Variants in RANBP2 observed in about 807,000 individuals in gnomAD.
RANBP2 encodes E3 SUMO-protein ligase RanBP2.
RANBP2 carries 57 observed loss-of-function variants against 303.6 expected under a neutral mutation model. The ratio of observed to expected loss-of-function variants is 0.19; its 90% CI spans 0.15 to 0.23. The LOEUF (loss-of-function observed/expected upper bound fraction) is 0.23. RANBP2 is among the 10% of genes least tolerant of loss of function. The pLI is 1.00. For missense variants in RANBP2, 3,138 were observed against 3,780.8 expected, an observed-to-expected ratio of 0.83 and a Z score of 4.46; for synonymous variants, 1,167 against 1,301.5, an observed-to-expected ratio of 0.90 and a Z score of 2.23.
the RANBP2 span, among the ~76,000 whole-genome samples, chr2:109,470,501 C>A: frequency 6.2e-4 from 94 of 152,326 alleles, no homozygotes; most frequent in Middle Eastern, 0.01. Flanking sequence ...ACTTATTTTT[C>A]ATCTATTGAC....
At chr2:109,548,011 C>T in the RANBP2 span, among the ~76,000 whole-genome samples, 2 of 152,176 alleles carry the variant, frequency 1.3e-5, no homozygotes, top group Non-Finnish European at 2.9e-5. Context: ...CATTTTTATA[C>T]CCCCAGCACA....
chr2:109,501,620 G>A, the RANBP2 span: 6 of 778,588 alleles, frequency 7.7e-6, no homozygotes, highest in East Asian at 1.5e-4. Flanking sequence ...GGACCCTGCA[G>A]CGGAACGGCC....
chr2:109,451,760 G>A, the RANBP2 span, among the ~76,000 whole-genome samples: 1 of 152,250 alleles, frequency 6.6e-6, no homozygotes, highest in Admixed American at 6.5e-5. Context: ...AAGGCGACAT[G>A]CAGGGACGCC....
the RANBP2 span, among the ~76,000 whole-genome samples, chr2:109,057,313 T>C: frequency 2.0e-5 from 3 of 152,258 alleles, no homozygotes; most frequent in Non-Finnish European, 4.4e-5. Context: ...ATTTGAATTA[T>C]GTAAAGAGAA....
At chr2:108,833,221 GT>G in the RANBP2 span, among the ~76,000 whole-genome samples, 1 of 152,208 alleles carries the variant, frequency 6.6e-6, no homozygotes, top group African/African-American at 2.4e-5. Flanking sequence ...ATACAACAGA[GT>G]GAATCCTAAT....
chr2:109,241,859 G>A, the RANBP2 span, among the ~76,000 whole-genome samples: 4 of 151,292 alleles, frequency 2.6e-5, no homozygotes, highest in Admixed American at 6.6e-5. Context: ...TCCGCCTCCC[G>A]GGTTCACGCC....
At chr2:109,709,389 C>G in the RANBP2 span, among the ~76,000 whole-genome samples, 1 of 146,926 alleles carries the variant, frequency 6.8e-6, no homozygotes, top group Non-Finnish European at 1.5e-5. Flanking sequence ...CAAAACAAAA[C>G]AAAACTTTAG....
the RANBP2 span, among the ~76,000 whole-genome samples, chr2:109,481,658 A>G: frequency 6.6e-6 from 1 of 152,152 alleles, no homozygotes; most frequent in Non-Finnish European, 1.5e-5. Context: ...AAGGGGCTGG[A>G]CATGTGGATG....
chr2:108,967,949 C>G, the RANBP2 span, among the ~76,000 whole-genome samples: 1 of 152,130 alleles, frequency 6.6e-6, no homozygotes, highest in Non-Finnish European at 1.5e-5. Context: ...GCTGGAGGGC[C>G]CCAGCCACAG....
the RANBP2 span, among the ~76,000 whole-genome samples, chr2:109,094,029 A>C: frequency 2.6e-5 from 4 of 152,232 alleles, no homozygotes; most frequent in Admixed American, 1.3e-4. Flanking sequence ...ATTACTCCGC[A>C]TTACGAGAGA....
the RANBP2 span, among the ~76,000 whole-genome samples, chr2:109,735,483 TC>T: frequency 0.02 from 2,515 of 123,312 alleles, 74 homozygotes; most frequent in African/African-American, 0.089. Context: ...TGCAGATCTC[TC>T]TCTCTCTCTC....
chr2:109,421,232 G>A, the RANBP2 span, among the ~76,000 whole-genome samples: 1 of 152,236 alleles, frequency 6.6e-6, no homozygotes, highest in Non-Finnish European at 1.5e-5. Context: ...ATGAGAGGCA[G>A]GATGCAGGTC....
the RANBP2 span, among the ~76,000 whole-genome samples, chr2:109,365,433 A>G: frequency 1.6e-4 from 24 of 152,176 alleles, no homozygotes; most frequent in African/African-American, 5.1e-4. Flanking sequence ...GATCTCTTCA[A>G]TTTGGGGGGC....
At chr2:109,735,806 T>C in the RANBP2 span, among the ~76,000 whole-genome samples, 2 of 152,202 alleles carry the variant, frequency 1.3e-5, no homozygotes, top group Non-Finnish European at 2.9e-5. Flanking sequence ...GAGCAACTGA[T>C]GCCTCAGTGA....
chr2:109,298,727 G>C, the RANBP2 span, among the ~76,000 whole-genome samples: 3 of 152,102 alleles, frequency 2.0e-5, no homozygotes, highest in South Asian at 6.2e-4. Context: ...TACCCCATCA[G>C]CTCACCCTGT....
chr2:108,766,731 A>G lies in RANBP2; in HGVS notation c.6192A>G (p.Lys2064=). Residue 2064 remains lysine, a synonymous_variant, in exon 20 of 29, where the codon AAA becomes AAG. Coordinates refer to ENST00000283195, the MANE Select transcript of RANBP2 (RefSeq NM_006267.5). ...GCTTGGGGAACTTAAAAATTCTCAA[A>G]AACGAGGTCAATGGCAAACTAAGAA... ...ERGLGNLKIL[K]NEVNGKLRML... 1 of 1,612,004 alleles carries G rather than the reference A, an allele frequency of 6.2e-7. No homozygotes were observed. The highest frequency in any genetic ancestry group is 8.5e-7 in the Non-Finnish European group (1 of 1,179,856).
rs1172263963 is a variant in RANBP2 at position 108,784,929 on chromosome 2, A to C, written c.*1028A>C. ...TTCTCAAGTTTGATACACACCAAAAACGTATTTGGAAATGGCTTGTATCAA... is the reference window on the plus strand; with the variant it reads ...TTCTCAAGTTTGATACACACCAAAACCGTATTTGGAAATGGCTTGTATCAA... On this transcript the variant is annotated 3_prime_UTR_variant, in exon 29 of 29. Transcript: ENST00000283195. 2 of 152,246 alleles carry C rather than the reference A, an allele frequency of 1.3e-5. No homozygotes were observed. The highest frequency in any genetic ancestry group is 2.9e-5 in the Non-Finnish European group (2 of 68,016). The allele number at this position is 152,246 out of a possible 1,614,324, so 9.4% of individuals were successfully genotyped here.
the RANBP2 span, among the ~76,000 whole-genome samples, chr2:109,154,775 G>T: frequency 6.6e-6 from 1 of 152,188 alleles, no homozygotes; most frequent in Non-Finnish European, 1.5e-5. Context: ...CAGAGTGTAT[G>T]TGTTTTTGGA....
chr2:109,738,871 C>A, the RANBP2 span, among the ~76,000 whole-genome samples: 3 of 149,584 alleles, frequency 2.0e-5, no homozygotes, highest in Non-Finnish European at 4.4e-5. Flanking sequence ...TTTCTTGTAG[C>A]AGTTTCATAG....
Sources: allele counts gnomAD v4.1 joint callset (sites outside exome capture counted in the v4.1 genomes callset), GRCh38; gene constraint gnomAD v4.1.1; transcripts MANE v1.5; gene names NCBI Gene and HGNC (gene_info 2026-07-23, HGNC 2026-07-21).